Variants in PAFAH1B1 observed in about 807,000 individuals in gnomAD.
PAFAH1B1 encodes platelet activating factor acetylhydrolase 1b regulatory subunit 1.
Under a neutral mutation model 57.5 loss-of-function variants are expected in PAFAH1B1, and 2 were observed. That is an observed-to-expected ratio of 0.03 (90% CI 0.01 to 0.11). PAFAH1B1 has a LOEUF of 0.11. PAFAH1B1 is among the 10% of genes least tolerant of loss of function. PAFAH1B1 has a pLI of 1.00. For synonymous variants in PAFAH1B1, 152 were observed against 169.6 expected (o/e 0.90, Z 0.81); for missense variants, 257 against 512.0 (o/e 0.50, Z 4.81).
intron 1 of PAFAH1B1, among the ~76,000 whole-genome samples, chr17:2,595,260 C>T (rs192687723): frequency 9.2e-5 from 14 of 152,128 alleles, no homozygotes; most frequent in Admixed American, 5.2e-4. Flanking sequence ...GTTTTAAAGG[C>T]CAAACAAACA....
At position 2,683,256 on chromosome 17, in the gene PAFAH1B1, T is replaced by G. The variant is rs1405774980; in HGVS notation, c.*1454T>G. The G allele has an allele frequency of 6.6e-6, 1 of 152,144 alleles. No individual in the cohort carries two copies. Among genetic ancestry groups the G allele is most frequent in the African/African-American group, 2.4e-5 (1 of 41,446 alleles). 9.4% of individuals were successfully genotyped at this position (152,144 alleles called of 1,614,324 possible). Reference sequence around the variant, plus strand: ...TTAGCCATGACTTTTGGAGCACTATTCCATTGTCAGTTATTAATAAAGAAT... The same window carrying G: ...TTAGCCATGACTTTTGGAGCACTATGCCATTGTCAGTTATTAATAAAGAAT... On this transcript the variant is annotated 3_prime_UTR_variant, in exon 11 of 11. Transcript: ENST00000397195.
intron 1 of PAFAH1B1, among the ~76,000 whole-genome samples, chr17:2,619,568 T>C (rs2068393093): frequency 6.8e-6 from 1 of 146,222 alleles, no homozygotes; most frequent in South Asian, 2.1e-4. Context: ...TCTCAGGAGA[T>C]GTTCCTGAAT....
rs900077286 is a variant in PAFAH1B1 at position 2,597,724 on chromosome 17, T to A, written c.-191+3718T>A. The stretch of plus-strand genomic sequence containing the variant: ...ACACCCTTCCCTATTTTCTATTTTT[T>A]AAAAATAATATAAATGTTTCTCTCT... On this transcript the variant is annotated intron_variant, in intron 1 of 10. Coordinates refer to ENST00000397195, the MANE Select transcript of PAFAH1B1 (RefSeq NM_000430.4). Among the ~76,000 whole-genome samples the A allele has an allele frequency of 1.2e-4, 18 of 144,356 alleles. No homozygotes were observed. In the East Asian group the frequency reaches 2.0e-3, roughly 16 times the overall value. 94.7% of individuals were successfully genotyped at this position (144,356 alleles called of 152,430 possible).
At position 2,619,722 on chromosome 17, in the gene PAFAH1B1, T is replaced by C. The variant is rs555045392; in HGVS notation, c.-190-18377T>C. ...GTGAATTTCACATTTAAGTCTATTA[T>C]ACAATTGAGGAAACTCAGGCTTAAT... is the stretch of plus-strand genomic sequence containing the variant. On this transcript the variant is annotated intron_variant, in intron 1 of 10. Coordinates refer to ENST00000397195, the MANE Select transcript of PAFAH1B1 (RefSeq NM_000430.4). 9.3e-4 allele frequency among the ~76,000 whole-genome samples: 142 copies of C among 152,328 alleles called. 1 individual carries two copies. Among genetic ancestry groups the C allele is most frequent in the Non-Finnish European group, 1.5e-3 (102 of 68,028 alleles).
intron 2 of PAFAH1B1, among the ~76,000 whole-genome samples, chr17:2,655,005 C>T (rs2068918756): frequency 6.8e-6 from 1 of 147,808 alleles, no homozygotes; most frequent in Non-Finnish European, 1.5e-5. Context: ...AGTGCAATGG[C>T]ATGATCATAG....
chr17:2,600,804 A>G (rs2068134611), intron 1 of PAFAH1B1, among the ~76,000 whole-genome samples: 1 of 152,026 alleles, frequency 6.6e-6, no homozygotes, highest in African/African-American at 2.4e-5. Flanking sequence ...ATCTCGGCTC[A>G]CTGCAACCTC....
chr17:2,653,702 A>G (rs1006980245), intron 2 of PAFAH1B1, among the ~76,000 whole-genome samples: 5 of 152,216 alleles, frequency 3.3e-5, no homozygotes, highest in African/African-American at 1.2e-4. Context: ...AGGTTGAAAT[A>G]AGACTATAAC....
chr17:2,632,659 C>T (rs879418946), intron 1 of PAFAH1B1, among the ~76,000 whole-genome samples: 62 of 152,124 alleles, frequency 4.1e-4, no homozygotes, highest in Non-Finnish European at 8.1e-4. Context: ...TGAATATATA[C>T]AGACTTTTAT....
chr17:2,641,337 T>C (rs2068692166), intron 2 of PAFAH1B1: 1 of 152,132 alleles, frequency 6.6e-6, no homozygotes, highest in Non-Finnish European at 1.5e-5. Context: ...TTTTGTATTT[T>C]TAGTAGAGAC....
At chr17:2,625,660 T>C (rs2068479869) in intron 1 of PAFAH1B1, among the ~76,000 whole-genome samples, 1 of 152,230 alleles carries the variant, frequency 6.6e-6, no homozygotes, top group Non-Finnish European at 1.5e-5. Flanking sequence ...GCATGGAGGC[T>C]CTTTCCTGTA....
intron 10 of PAFAH1B1, chr17:2,680,804 G>A: frequency 4.7e-6 from 1 of 210,632 alleles, no homozygotes; most frequent in Non-Finnish European, 9.8e-6. Context: ...AAAGTATAAT[G>A]GACCAAAGCC....
rs1567554200 is a variant in PAFAH1B1, at chr17:2,664,694, T to TCTCTCTCTCTC, written c.33-678_33-677insCTCTCTCTCTC. ...TCTCTCTCTCTCTCTCTCTCTCTCT[T>TCTCTCTCTCTC]TCTCTCTCCATCTATAAAGCCCAAA... On this transcript the variant is annotated intron_variant, in intron 2 of 10. Coordinates refer to ENST00000397195, the MANE Select transcript of PAFAH1B1 (RefSeq NM_000430.4). Among the ~76,000 whole-genome samples the TCTCTCTCTCTC allele has an allele frequency of 8.6e-4, 98 of 114,536 alleles. 2 individuals are homozygous for TCTCTCTCTCTC. The highest frequency in any genetic ancestry group is 2.0e-3 in the South Asian group (7 of 3,524). 75.1% of individuals were successfully genotyped at this position (114,536 alleles called of 152,430 possible). A position where few individuals can be genotyped will look rare whatever the true frequency, so the allele number is the denominator to read the frequency against.
At chr17:2,680,059 T>C in intron 9 of PAFAH1B1, 105 bp from the exon 10 acceptor site, 2 of 1,012,940 alleles carry the variant, frequency 2.0e-6, no homozygotes, top group Non-Finnish European at 1.6e-6. Context: ...TATTTTCTTC[T>C]GGTCTTTTGA....
intron 1 of PAFAH1B1, among the ~76,000 whole-genome samples, chr17:2,618,903 C>A (rs983672246): frequency 2.1e-5 from 3 of 140,114 alleles, no homozygotes; most frequent in African/African-American, 7.9e-5. Flanking sequence ...TGCAGTGAGC[C>A]GAGATTGTAC....
chr17:2,670,584 G>C (rs2069168033), intron 6 of PAFAH1B1, among the ~76,000 whole-genome samples: 1 of 152,172 alleles, frequency 6.6e-6, no homozygotes, highest in Non-Finnish European at 1.5e-5. Flanking sequence ...AAAACTGCCA[G>C]GTCATTTATC....
chr17:2,596,985 C>T (rs1218982996), intron 1 of PAFAH1B1, among the ~76,000 whole-genome samples: 1 of 152,036 alleles, frequency 6.6e-6, no homozygotes, highest in African/African-American at 2.4e-5. Context: ...AGATTGAACC[C>T]GGGAGGCGGA....
intron 1 of PAFAH1B1, among the ~76,000 whole-genome samples, chr17:2,602,339 A>G (rs751586491): frequency 2.0e-5 from 3 of 152,276 alleles, no homozygotes; most frequent in Non-Finnish European, 4.4e-5. Context: ...TCATAATACA[A>G]CCCCAAGACA....
chr17:2,667,177 T>C lies in PAFAH1B1; in HGVS notation c.378T>C (p.Ala126=). ...FHPVFSVMVS[A]SEDATIKVWD... The stretch of plus-strand genomic sequence containing the variant: ...CTGTGTTCAGTGTTATGGTCTCTGC[T>C]TCAGAGGATGCTACAATTAAGGTAA... Residue 126 remains alanine, a synonymous_variant, in exon 5 of 11, where the codon GCT becomes GCC. Coordinates refer to ENST00000397195, the MANE Select transcript of PAFAH1B1 (RefSeq NM_000430.4). The C allele has an allele frequency of 6.2e-7, 1 of 1,613,412 alleles. No individual in the cohort carries two copies. The highest frequency in any genetic ancestry group is 8.5e-7 in the Non-Finnish European group (1 of 1,179,386).
At chr17:2,670,497 A>G (rs2069167054) in intron 6 of PAFAH1B1, 166 bp downstream of exon 6, 1 of 656,006 alleles carries the variant, frequency 1.5e-6, no homozygotes, top group Non-Finnish European at 2.7e-6. Context: ...AGTAGTTGAG[A>G]GTGCTTTCTA....
Sources: gnomAD v4.1 joint callset for allele counts (sites outside exome capture counted in the v4.1 genomes callset) on GRCh38, gnomAD v4.1.1 for gene constraint, MANE v1.5 for transcripts, NCBI Gene and HGNC (gene_info 2026-07-23, HGNC 2026-07-21) for gene names.